KDM4C: variants seen among roughly 807,000 people sequenced by gnomAD.
The protein encoded by KDM4C is lysine-specific demethylase 4C.
KDM4C carries 81 observed loss-of-function variants against 129.3 expected under a neutral mutation model. That is an observed-to-expected ratio of 0.63 (90% CI 0.52 to 0.75). KDM4C has a LOEUF of 0.75. KDM4C is among the 30% of genes least tolerant of loss of function. The pLI is 0.00. For missense variants in KDM4C, 1,457 were observed against 1,304.0 expected (o/e 1.12, Z -1.81); for synonymous variants, 573 against 456.1 (o/e 1.26, Z -3.26).
chr9:6,841,409 C>T (rs1041609423), intron 4 of KDM4C, among the ~76,000 whole-genome samples: 3 of 152,036 alleles, frequency 2.0e-5, no homozygotes, highest in African/African-American at 4.8e-5. Context: ...AAAGACTTAG[C>T]GAGAGAGTGA....
intron 2 of KDM4C, among the ~76,000 whole-genome samples, chr9:6,804,595 T>G (rs1829625361): frequency 6.6e-6 from 1 of 151,898 alleles, no homozygotes; most frequent in Non-Finnish European, 1.5e-5. Context: ...CTGTCTCTAC[T>G]AAAAATACAA....
At chr9:6,955,047 G>T (rs1416183761) in intron 8 of KDM4C, among the ~76,000 whole-genome samples, 1 of 152,194 alleles carries the variant, frequency 6.6e-6, no homozygotes, top group Non-Finnish European at 1.5e-5. Flanking sequence ...GAATTTTGTG[G>T]CTAGACCCCT....
intron 17 of KDM4C, among the ~76,000 whole-genome samples, chr9:7,060,509 G>C (rs1831493604): frequency 6.7e-6 from 1 of 149,108 alleles, no homozygotes; most frequent in Non-Finnish European, 1.5e-5. Flanking sequence ...TTGAGATGGA[G>C]TCTTGGTCTG....
chr9:6,956,390 A>G (rs561052061), intron 8 of KDM4C, among the ~76,000 whole-genome samples: 84 of 152,316 alleles, frequency 5.5e-4, no homozygotes, highest in Non-Finnish European at 1.0e-3. Flanking sequence ...CTAAGTACCC[A>G]TAAAAATTTA....
chr9:7,118,296 G>GA (rs1329605624), intron 18 of KDM4C, among the ~76,000 whole-genome samples: 2 of 152,284 alleles, frequency 1.3e-5, no homozygotes, highest in Non-Finnish European at 2.9e-5. Flanking sequence ...CACACATGTG[G>GA]AAAATTAAAT....
intron 5 of KDM4C, among the ~76,000 whole-genome samples, chr9:6,868,875 C>T (rs551639970): frequency 2.0e-5 from 3 of 151,858 alleles, no homozygotes; most frequent in South Asian, 4.2e-4. Flanking sequence ...ATTTAGAATA[C>T]CTTTTTTCTC....
At chr9:6,990,755 T>C (rs891803120) in intron 12 of KDM4C, among the ~76,000 whole-genome samples, 3 of 152,190 alleles carry the variant, frequency 2.0e-5, no homozygotes, top group Non-Finnish European at 4.4e-5. Flanking sequence ...CAGTTTTATG[T>C]CATGGGGTAA....
intron 5 of KDM4C, among the ~76,000 whole-genome samples, chr9:6,856,943 G>A (rs945015532): frequency 6.6e-6 from 1 of 151,972 alleles, no homozygotes; most frequent in African/African-American, 2.4e-5. Context: ...ATTTTTAGTA[G>A]AGACGGGGTT....
At chr9:6,841,987 T>C (rs1837014524) in intron 4 of KDM4C, among the ~76,000 whole-genome samples, 1 of 152,256 alleles carries the variant, frequency 6.6e-6, no homozygotes, top group Non-Finnish European at 1.5e-5. Flanking sequence ...TGTTTTTCTT[T>C]GGCCATTTGC....
chr9:6,735,547 T>G (rs2918185), intron 1 of KDM4C, among the ~76,000 whole-genome samples: 68,550 of 151,978 alleles, frequency 0.45, 15,662 homozygotes, highest in Admixed American at 0.54. Context: ...TGAGTCTCAT[T>G]AGGTCTGACG....
intron 5 of KDM4C, among the ~76,000 whole-genome samples, chr9:6,867,757 A>T (rs1027103687): frequency 6.6e-6 from 1 of 152,210 alleles, no homozygotes. Context: ...TACCATGAAC[A>T]TGTGAACTTG....
chr9:7,000,433 A>C (rs953460204), intron 12 of KDM4C, among the ~76,000 whole-genome samples: 7 of 152,196 alleles, frequency 4.6e-5, no homozygotes, highest in African/African-American at 9.7e-5. Context: ...AAAAGCATGG[A>C]GATTGTAAGA....
At chr9:7,042,004 T>G (rs891744145) in intron 15 of KDM4C, among the ~76,000 whole-genome samples, 15 of 152,104 alleles carry the variant, frequency 9.9e-5, no homozygotes, top group African/African-American at 3.1e-4. Flanking sequence ...CATATTTTTT[T>G]GTTTCCCGCT....
At chr9:7,023,607 T>G (rs1825267633) in intron 15 of KDM4C, among the ~76,000 whole-genome samples, 1 of 152,120 alleles carries the variant, frequency 6.6e-6, no homozygotes, top group Non-Finnish European at 1.5e-5. Context: ...TTTATTGATC[T>G]GTTGTGTTCT....
chr9:7,005,153 A>G (rs1477959588), intron 12 of KDM4C, among the ~76,000 whole-genome samples: 2 of 152,154 alleles, frequency 1.3e-5, no homozygotes, highest in African/African-American at 4.8e-5. Context: ...CCCCATGAGT[A>G]GGCTGGGTGC....
rs775903069 is a variant in KDM4C, at chr9:7,013,772, A to G, written c.1969-16A>G. ...TTCCATGTTTTTCACTCATGTGGAA[A>G]CGTTATGTTTTTCAGCCAGATAGCA... On this transcript the variant is annotated splice_polypyrimidine_tract_variant and intron_variant, in intron 13 of 21. Coordinates refer to ENST00000381309, the MANE Select transcript of KDM4C (RefSeq NM_015061.6). 3.1e-6 allele frequency: 5 copies of G among 1,611,940 alleles called. No homozygotes were observed. The Admixed American group carries it at 8.3e-5, about 27-fold the overall frequency.
rs1372043429 is a variant in KDM4C, at chr9:7,102,151, C to G, written c.2425-1534C>G. On this transcript the variant is annotated intron_variant, in intron 17 of 21. Transcript: ENST00000381309. Reference sequence around the variant, plus strand: ...TTAATCAGTTAAGCCACATCCTCAACCTCCACTTAAAAATGCTTAATTGTA... The same window carrying G: ...TTAATCAGTTAAGCCACATCCTCAAGCTCCACTTAAAAATGCTTAATTGTA... Among the ~76,000 whole-genome samples the G allele has an allele frequency of 4.6e-5, 7 of 152,042 alleles. No individual in the cohort carries two copies. In the East Asian group the frequency reaches 1.3e-3, roughly 29 times the overall value.
intron 17 of KDM4C, among the ~76,000 whole-genome samples, chr9:7,087,115 A>G (rs1278015768): frequency 6.6e-6 from 1 of 150,420 alleles, no homozygotes; most frequent in Non-Finnish European, 1.5e-5. Context: ...CTTTTGACAG[A>G]ATTAAAGGAG....
intron 15 of KDM4C, among the ~76,000 whole-genome samples, chr9:7,045,842 C>T (rs1315167186): frequency 6.6e-6 from 1 of 151,930 alleles, no homozygotes; most frequent in Admixed American, 6.6e-5. Flanking sequence ...TCGTTTTCCT[C>T]AGAAAAGTAA....
Sources: allele counts gnomAD v4.1 joint callset (sites outside exome capture counted in the v4.1 genomes callset), GRCh38; gene constraint gnomAD v4.1.1; transcripts MANE v1.5; gene names NCBI Gene and HGNC (gene_info 2026-07-23, HGNC 2026-07-21).